The following MCC variants were observed in gnomAD, a reference collection of about 807,000 sequenced individuals.
MCC encodes MCC regulator of Wnt signaling pathway.
MCC carries 90 observed loss-of-function variants against 116.2 expected under a neutral mutation model. The ratio of observed to expected loss-of-function variants is 0.77; its 90% CI spans 0.65 to 0.92. MCC has a LOEUF of 0.92. Ranked by LOEUF, MCC falls within the 40% of genes least tolerant of loss-of-function variation. The pLI is 0.00. For synonymous variants in MCC, 578 were observed against 510.5 expected (o/e 1.13, Z -1.78); for missense variants, 1,516 against 1,312.2 (o/e 1.16, Z -2.40).
At chr5:113,228,830 A>T (rs1193255348) in intron 3 of MCC, among the ~76,000 whole-genome samples, 9 of 152,222 alleles carry the variant, frequency 5.9e-5, no homozygotes, top group Admixed American at 1.3e-4. Context: ...ACACACGCTC[A>T]TAGCTTAGCT....
intron 2 of MCC, among the ~76,000 whole-genome samples, chr5:113,382,455 C>T (rs80153400): frequency 2.0e-5 from 3 of 151,744 alleles, no homozygotes; most frequent in African/African-American, 7.2e-5. Context: ...ATTTTTTGTA[C>T]GTTGCCCAGG....
chr5:113,293,156 A>T (rs1056739899), intron 3 of MCC, among the ~76,000 whole-genome samples: 1 of 152,044 alleles, frequency 6.6e-6, no homozygotes, highest in African/African-American at 2.4e-5. Flanking sequence ...GCCCAATAGC[A>T]TTCACCAGCC....
Position 113,082,982 on chromosome 5 carries a change from C to A in MCC, c.1662G>T (p.Leu554=). The change falls in exon 11 of 19, where the codon CTG becomes CTT. Residue 554 remains leucine, a synonymous_variant. Coordinates refer to ENST00000408903, the MANE Select transcript of MCC (RefSeq NM_001085377.2). ...IGVSSSVAEH[L]AHSLQDCSNI... ...TGGAGCAGTCCTGAAGTGAGTGGGC[C>A]AGGTGTTCAGCCACACTGCTGGATA... 6.2e-7 allele frequency: 1 copy of A among 1,613,984 alleles called. No homozygotes were observed. The highest frequency in any genetic ancestry group is 8.5e-7 in the Non-Finnish European group (1 of 1,179,984).
intron 3 of MCC, among the ~76,000 whole-genome samples, chr5:113,277,630 T>A (rs1313530729): frequency 6.6e-6 from 1 of 152,212 alleles, no homozygotes; most frequent in Non-Finnish European, 1.5e-5. Context: ...AATGGCAGAT[T>A]CTGAACTATA....
intron 1 of MCC, among the ~76,000 whole-genome samples, chr5:113,411,326 G>A (rs960542844): frequency 3.9e-5 from 6 of 152,136 alleles, no homozygotes; most frequent in African/African-American, 1.4e-4. Flanking sequence ...GTATCTCACT[G>A]TGGTTTTGAT....
intron 3 of MCC, among the ~76,000 whole-genome samples, chr5:113,331,664 TTCAC>T (rs1767699305): frequency 1.3e-5 from 2 of 151,228 alleles, no homozygotes; most frequent in Admixed American, 1.3e-4. Flanking sequence ...GAGATGGAGT[TTCAC>T]TCTATTGCCC....
chr5:113,082,610 G>C (rs528327872), intron 11 of MCC, among the ~76,000 whole-genome samples: 210 of 152,362 alleles, frequency 1.4e-3, no homozygotes, highest in African/African-American at 4.8e-3. Flanking sequence ...CAGCAGAGCA[G>C]TGAAGCAAGT....
chr5:113,470,373 C>T lies in MCC; in HGVS notation c.170+17872G>A, dbSNP rs1772050879. 2.0e-5 allele frequency among the ~76,000 whole-genome samples: 3 copies of T among 150,962 alleles called. No individual in the cohort carries two copies. The South Asian group carries it at 6.3e-4, about 32-fold the overall frequency. On this transcript the variant is annotated intron_variant, in intron 1 of 18. Transcript: ENST00000408903. ...CCTTCAGGAGCTCTTTTAGGGCAGG[C>T]CTGGTGGTGACAAAATCTCTCAGCA...
intron 14 of MCC, among the ~76,000 whole-genome samples, 184 bp downstream of exon 14, chr5:113,063,800 C>G (rs1195555198): frequency 6.6e-6 from 1 of 152,252 alleles, no homozygotes; most frequent in Non-Finnish European, 1.5e-5. Flanking sequence ...GAGAGGGCCA[C>G]TTTCTAGCTC....
intron 2 of MCC, among the ~76,000 whole-genome samples, chr5:113,365,238 A>C (rs1768657782): frequency 6.6e-6 from 1 of 152,112 alleles, no homozygotes; most frequent in South Asian, 2.1e-4. Context: ...CCACATCTTG[A>C]ATGCCTTGTT....
intron 3 of MCC, among the ~76,000 whole-genome samples, chr5:113,301,029 A>T (rs548113141): frequency 6.6e-6 from 1 of 152,238 alleles, no homozygotes; most frequent in Non-Finnish European, 1.5e-5. Flanking sequence ...TGTGGTGTTC[A>T]TTCAGAAAAA....
At chr5:113,452,305 A>G in intron 1 of MCC, among the ~76,000 whole-genome samples, 1 of 152,204 alleles carries the variant, frequency 6.6e-6, no homozygotes, top group East Asian at 1.9e-4. Context: ...GGGCAGCTAT[A>G]TGCTGTGGTC....
intron 3 of MCC, among the ~76,000 whole-genome samples, chr5:113,219,348 C>T (rs1299622517): frequency 6.6e-6 from 1 of 152,186 alleles, no homozygotes; most frequent in Non-Finnish European, 1.5e-5. Flanking sequence ...CTGGGGGGCC[C>T]TGAACTCCTG....
intron 3 of MCC, among the ~76,000 whole-genome samples, chr5:113,191,884 T>C (rs1448801132): frequency 6.6e-6 from 1 of 152,194 alleles, no homozygotes; most frequent in East Asian, 1.9e-4. Context: ...TGTTGGACTT[T>C]AACTGATTCA....
At chr5:113,240,141 G>A (rs755608570) in intron 3 of MCC, among the ~76,000 whole-genome samples, 6 of 152,064 alleles carry the variant, frequency 3.9e-5, no homozygotes, top group Admixed American at 1.3e-4. Context: ...CTCCCATTCC[G>A]CCACTCCTCT....
intron 14 of MCC, among the ~76,000 whole-genome samples, chr5:113,056,303 G>A (rs1444185618): frequency 6.6e-6 from 1 of 152,160 alleles, no homozygotes; most frequent in Admixed American, 6.5e-5. Flanking sequence ...GTTTGTAATA[G>A]CAAAGACATG....
intron 3 of MCC, among the ~76,000 whole-genome samples, chr5:113,186,660 C>CA (rs917034528): frequency 3.3e-5 from 5 of 152,106 alleles, no homozygotes; most frequent in African/African-American, 1.2e-4. Context: ...GAGAATAAAG[C>CA]AAAACACATA....
At position 113,400,113 on chromosome 5, in the gene MCC, C is replaced by CTTTTTTTTTTTTTTTTTTTTT. The variant is rs747991299; in HGVS notation, c.171-14922_171-14902dup. 5.6e-5 allele frequency: 4 copies of CTTTTTTTTTTTTTTTTTTTTT among 71,434 alleles called. 1 individual carries two copies. The highest frequency in any genetic ancestry group is 1.5e-4 in the African/African-American group (2 of 13,712). The allele number at this position is 71,434 out of a possible 1,614,324, so 4.4% of individuals were successfully genotyped here. The stretch of plus-strand genomic sequence containing the variant: ...ATTGTTTTGGCCCTCTCCTTTTTTA[C>CTTTTTTTTTTTTTTTTTTTTT]TTTTTTTTTTTTTTTTTTTTTTTTT... On this transcript the variant is annotated intron_variant, in intron 1 of 18. Transcript: ENST00000408903.
intron 3 of MCC, among the ~76,000 whole-genome samples, chr5:113,284,032 G>A (rs1246388600): frequency 6.6e-6 from 1 of 151,872 alleles, no homozygotes; most frequent in Non-Finnish European, 1.5e-5. Context: ...GCTTACTTTC[G>A]GACTATGGTA....
Sources: gnomAD v4.1 joint callset for allele counts (sites outside exome capture counted in the v4.1 genomes callset) on GRCh38, gnomAD v4.1.1 for gene constraint, MANE v1.5 for transcripts, NCBI Gene and HGNC (gene_info 2026-07-23, HGNC 2026-07-21) for gene names.